Variants in ZEB1 observed in about 807,000 individuals in gnomAD.
The protein encoded by ZEB1 is zinc finger E-box binding homeobox 1.
A neutral mutation model predicts 84.9 loss-of-function variants in ZEB1; 21 were observed. The observed-to-expected ratio is 0.25, with a 90% CI of 0.18 to 0.36. The LOEUF is 0.36. Among genes scored for constraint, ZEB1 ranks in the 10% least tolerant of loss-of-function variants. The pLI is 1.00. For synonymous variants in ZEB1, 420 were observed against 471.1 expected (o/e 0.89, Z 1.41); for missense variants, 1,104 against 1,330.2 (o/e 0.83, Z 2.65).
intron 2 of ZEB1, among the ~76,000 whole-genome samples, chr10:31,469,334 G>A (rs1006908097): frequency 6.6e-6 from 1 of 152,158 alleles, no homozygotes; most frequent in African/African-American, 2.4e-5. Flanking sequence ...CCAGACAGTG[G>A]GCACAGGTCA....
chr10:31,373,116 A>T, intron 1 of ZEB1: 1 of 985,540 alleles, frequency 1.0e-6, no homozygotes. Flanking sequence ...TGTCTGCTTG[A>T]CATAGGAAAG....
intron 2 of ZEB1, among the ~76,000 whole-genome samples, chr10:31,480,623 A>G (rs1182682138): frequency 6.6e-6 from 1 of 152,048 alleles, no homozygotes; most frequent in Non-Finnish European, 1.5e-5. Context: ...AATATACTGT[A>G]TGAATGTTTA....
chr10:31,457,090 C>A (rs1591486058), intron 1 of ZEB1, among the ~76,000 whole-genome samples: 1 of 152,222 alleles, frequency 6.6e-6, no homozygotes, highest in Non-Finnish European at 1.5e-5. Context: ...TTTACCCTTG[C>A]TTTCTTCATA....
Position 31,502,381 on chromosome 10 carries a change from A to G in ZEB1, c.356A>G (p.Asn119Ser). 1 of 1,613,888 alleles carries G rather than the reference A, an allele frequency of 6.2e-7. No homozygotes were observed. The highest frequency in any genetic ancestry group is 8.5e-7 in the Non-Finnish European group (1 of 1,179,832). The change falls in exon 4 of 9, where the codon AAT becomes AGT. Residue 119 changes from asparagine (N) to serine (S), a missense_variant. Asn to Ser is a conservative substitution (Grantham distance 46). Around this residue, in one of 7 missense-constraint regions of ZEB1, gnomAD observed 162 missense variants for 184.5 expected, o/e 0.88. Coordinates refer to ENST00000424869, the MANE Select transcript of ZEB1 (RefSeq NM_001174096.2). ...GATGAATGCGAGTCAGATGCAGAAAATGAGCAAAACCATGATCCTAATGTT... is the reference window on the plus strand; with the variant it reads ...GATGAATGCGAGTCAGATGCAGAAAGTGAGCAAAACCATGATCCTAATGTT... ...KDDECESDAENEQNHDPNVEE... is the reference protein window; with the variant it reads ...KDDECESDAESEQNHDPNVEE...
intron 1 of ZEB1, among the ~76,000 whole-genome samples, chr10:31,406,330 G>A (rs1483509224): frequency 4.6e-5 from 7 of 151,928 alleles, no homozygotes; most frequent in Admixed American, 4.6e-4. Flanking sequence ...AGCATTCTTA[G>A]TTCTGCACAT....
At chr10:31,364,101 C>T (rs1445716828) in intron 1 of ZEB1, among the ~76,000 whole-genome samples, 2 of 152,218 alleles carry the variant, frequency 1.3e-5, no homozygotes, top group Non-Finnish European at 2.9e-5. Context: ...GGAGAGGATA[C>T]TCCTAAGTCA....
chr10:31,478,215 A>C (rs1439954974), intron 2 of ZEB1, among the ~76,000 whole-genome samples: 1 of 152,076 alleles, frequency 6.6e-6, no homozygotes, highest in Non-Finnish European at 1.5e-5. Flanking sequence ...GACATTTCTT[A>C]AAAGAAGACA....
intron 2 of ZEB1, among the ~76,000 whole-genome samples, chr10:31,468,916 A>G (rs969508027): frequency 6.6e-6 from 1 of 152,252 alleles, no homozygotes; most frequent in Admixed American, 6.5e-5. Flanking sequence ...CTCTCTAGCA[A>G]TGAATCTTAA....
chr10:31,474,229 G>C (rs985268734), intron 2 of ZEB1, among the ~76,000 whole-genome samples: 3 of 151,826 alleles, frequency 2.0e-5, no homozygotes, highest in Non-Finnish European at 4.4e-5. Context: ...TTAAACTAAA[G>C]AGCTTCTGTA....
chr10:31,398,320 GTATTA>G (rs2051212382), intron 1 of ZEB1, among the ~76,000 whole-genome samples: 1 of 151,802 alleles, frequency 6.6e-6, no homozygotes, highest in African/African-American at 2.4e-5. Context: ...TGGCTTCTTT[GTATTA>G]TATTTTATTA....
chr10:31,322,409 A>G (rs1036254058), intron 1 of ZEB1, among the ~76,000 whole-genome samples: 1 of 152,230 alleles, frequency 6.6e-6, no homozygotes, highest in Non-Finnish European at 1.5e-5. Flanking sequence ...ATGTTGTTAT[A>G]TATGTAAATA....
intron 2 of ZEB1, among the ~76,000 whole-genome samples, chr10:31,485,922 ATCTT>A (rs2065693732): frequency 2.0e-5 from 3 of 151,864 alleles, no homozygotes; most frequent in Non-Finnish European, 4.4e-5. Context: ...GGCAACCGTG[ATCTT>A]TTGCTATCAT....
At chr10:31,489,102 CT>C (rs2066140346) in intron 2 of ZEB1, among the ~76,000 whole-genome samples, 1 of 151,214 alleles carries the variant, frequency 6.6e-6, no homozygotes, top group Non-Finnish European at 1.5e-5. Context: ...TTTGTCTCTA[CT>C]TTTTGTTCTG....
rs1589957708 is a variant in ZEB1, at chr10:31,326,225, C to T, written c.58+6933C>T. The stretch of plus-strand genomic sequence containing the variant: ...CATATGGAATAACATGTAGTGAAAT[C>T]CTTCAAGGAGTAGATTTTCTGAACC... On this transcript the variant is annotated intron_variant, in intron 1 of 8. Transcript: ENST00000424869. Among the ~76,000 whole-genome samples the T allele has an allele frequency of 3.3e-5, 5 of 152,192 alleles. No individual in the cohort carries two copies. In the South Asian group the frequency reaches 1.0e-3, roughly 32 times the overall value.
At chr10:31,363,100 G>A (rs1470573923) in intron 1 of ZEB1, 1 of 1,533,984 alleles carries the variant, frequency 6.5e-7, no homozygotes, top group South Asian at 1.2e-5. Context: ...GTGGCCGGCA[G>A]CTCTGGGTGG....
At chr10:31,410,057 T>C (rs2053942589) in intron 1 of ZEB1, among the ~76,000 whole-genome samples, 1 of 152,040 alleles carries the variant, frequency 6.6e-6, no homozygotes, top group African/African-American at 2.4e-5. Flanking sequence ...TGAATAGGAG[T>C]GGTGAGAGAG....
At chr10:31,494,742 A>T (rs1274666217) in intron 2 of ZEB1, among the ~76,000 whole-genome samples, 1 of 152,036 alleles carries the variant, frequency 6.6e-6, no homozygotes, top group Non-Finnish European at 1.5e-5. Context: ...ACATGTTCTT[A>T]ATACACTATT....
intron 1 of ZEB1, among the ~76,000 whole-genome samples, chr10:31,360,543 A>G (rs939932912): frequency 8.5e-5 from 13 of 152,202 alleles, no homozygotes; most frequent in African/African-American, 3.1e-4. Flanking sequence ...AGCTGTTAAG[A>G]TCTCTTTAAT....
In ZEB1 at chr10:31,414,955, A is replaced by G. The variant is rs188476285; in HGVS notation, c.59-46082A>G. On this transcript the variant is annotated intron_variant, in intron 1 of 8. Coordinates refer to ENST00000424869, the MANE Select transcript of ZEB1 (RefSeq NM_001174096.2). ...ATTGATTATAGATTAAAACTGAAAC[A>G]ACATGAAGGGATCAGACTCACTCAC... 2.1e-4 allele frequency among the ~76,000 whole-genome samples: 32 copies of G among 152,336 alleles called. 1 individual carries two copies. The highest frequency in any genetic ancestry group is 2.0e-3 in the Admixed American group (30 of 15,294).
Sources: allele counts gnomAD v4.1 joint callset (sites outside exome capture counted in the v4.1 genomes callset), GRCh38; gene constraint gnomAD v4.1.1; regional missense constraint gnomAD v4.1.1; transcripts MANE v1.5; gene names NCBI Gene and HGNC (gene_info 2026-07-23, HGNC 2026-07-21).